REL: variants seen among roughly 807,000 people sequenced by gnomAD.
REL encodes the protein proto-oncogene c-Rel.
REL carries 15 observed loss-of-function variants against 45.9 expected under a neutral mutation model. The ratio of observed to expected loss-of-function variants is 0.33; its 90% CI spans 0.22 to 0.50. REL has a LOEUF of 0.50. REL is among the 20% of genes least tolerant of loss of function. The pLI is 0.98. For missense variants in REL, 601 were observed against 715.2 expected (o/e 0.84, Z 1.82); for synonymous variants, 239 against 242.1 (o/e 0.99, Z 0.12).
At chr2:60,909,598 T>G (rs566663524) in intron 4 of REL, among the ~76,000 whole-genome samples, 5 of 152,126 alleles carry the variant, frequency 3.3e-5, no homozygotes, top group Admixed American at 6.5e-5. Context: ...GACTGAGACA[T>G]AGTTCTTAAA....
Position 60,922,684 on chromosome 2 carries a change from CT to C in REL, c.*155del. 2 of 1,299,370 alleles carry C rather than the reference CT, an allele frequency of 1.5e-6. No homozygotes were observed. The highest frequency in any genetic ancestry group is 1.9e-6 in the Non-Finnish European group (2 of 1,026,778). 80.5% of individuals were successfully genotyped at this position (1,299,370 alleles called of 1,614,324 possible). A position where few individuals can be genotyped will look rare whatever the true frequency, so the allele number is the denominator to read the frequency against. The stretch of plus-strand genomic sequence containing the variant: ...ATACTGTATTTGAGAATATAAAAAA[CT>C]TTTTTCAGGGAAGAAGCATACAACT... On this transcript the variant is annotated 3_prime_UTR_variant, in exon 10 of 10. Transcript: ENST00000394479.
At chr2:60,912,320 A>G (rs1673842093) in intron 4 of REL, among the ~76,000 whole-genome samples, 1 of 152,176 alleles carries the variant, frequency 6.6e-6, no homozygotes. Context: ...TATAGCTCAG[A>G]TTTATTTCAA....
At chr2:60,901,647 A>AT (rs986710201) in intron 4 of REL, among the ~76,000 whole-genome samples, 3 of 152,206 alleles carry the variant, frequency 2.0e-5, no homozygotes, top group African/African-American at 4.8e-5. Flanking sequence ...ATAAAACTTC[A>AT]AAATGTTGTG....
At chr2:60,884,114 A>G (rs1396769808) in intron 1 of REL, among the ~76,000 whole-genome samples, 1 of 151,522 alleles carries the variant, frequency 6.6e-6, no homozygotes, top group African/African-American at 2.4e-5. Flanking sequence ...AAAAAAAAAA[A>G]AAGAAATTGC....
Position 60,918,464 on chromosome 2 carries a change from C to A in REL, c.711C>A (p.His237Gln). The A allele has an allele frequency of 6.2e-7, 1 of 1,613,808 alleles. No individual in the cohort carries two copies. Among genetic ancestry groups the A allele is most frequent in the Non-Finnish European group, 8.5e-7 (1 of 1,179,938 alleles). ...GCATCTTTTCACAAGCTGATGTACA[C>A]CGTCAAGTAGCCATTGTTTTCAAAA... is the stretch of plus-strand genomic sequence containing the variant. ...AKGIFSQADV[H>Q]RQVAIVFKTP... The change falls in exon 7 of 10, where the codon CAC becomes CAA. Residue 237 changes from histidine (H) to glutamine (Q), a missense_variant. Physicochemically the swap from His to Gln is conservative, Grantham distance 24 (BLOSUM62 0). This residue lies in a region of REL where 241 missense variants were observed against 347.0 expected (regional missense o/e 0.69). Coordinates refer to ENST00000394479, the MANE Select transcript of REL (RefSeq NM_001291746.2).
intron 1 of REL, among the ~76,000 whole-genome samples, chr2:60,887,901 G>C (rs1673108622): frequency 6.6e-6 from 1 of 150,758 alleles, no homozygotes; most frequent in Non-Finnish European, 1.5e-5. Flanking sequence ...ATGAAGTTTT[G>C]GGTTTTTTTG....
chr2:60,912,562 A>G (rs1673849126), intron 4 of REL, among the ~76,000 whole-genome samples: 2 of 152,200 alleles, frequency 1.3e-5, no homozygotes, highest in African/African-American at 4.8e-5. Context: ...TTAAAAATAT[A>G]AAAGATCTTC....
chr2:60,917,847 A>G (rs987436180), intron 5 of REL, among the ~76,000 whole-genome samples: 5 of 151,974 alleles, frequency 3.3e-5, no homozygotes, highest in Non-Finnish European at 5.9e-5. Flanking sequence ...CCATAGGGAG[A>G]TGTATTGCCA....
At chr2:60,916,683 C>A (rs1673969788) in intron 4 of REL, among the ~76,000 whole-genome samples, 194 bp from the exon 5 acceptor site, 1 of 152,146 alleles carries the variant, frequency 6.6e-6, no homozygotes. Context: ...TATAATTTAT[C>A]AAATACTGTT....
chr2:60,899,044 A>G (rs568955104), intron 3 of REL: 1 of 152,248 alleles, frequency 6.6e-6, no homozygotes, highest in Admixed American at 6.5e-5. Flanking sequence ...ATGAAACAAA[A>G]TGAAGTAATA....
At position 60,918,488 on chromosome 2, in the gene REL, A is replaced by G; in HGVS notation, c.735A>G (p.Lys245=). The change falls in exon 7 of 10, where the codon AAA becomes AAG. Residue 245 remains lysine, a synonymous_variant. Transcript: ENST00000394479. The part of the protein sequence containing the change: ...DVHRQVAIVF[K]TPPYCKAITE... Reference sequence around the variant, plus strand: ...ACCGTCAAGTAGCCATTGTTTTCAAAACTCCACCATATTGCAAAGCTATCA... The same window carrying G: ...ACCGTCAAGTAGCCATTGTTTTCAAGACTCCACCATATTGCAAAGCTATCA... The G allele has an allele frequency of 6.2e-7, 1 of 1,614,138 alleles. No homozygotes were observed. The highest frequency in any genetic ancestry group is 8.5e-7 in the Non-Finnish European group (1 of 1,180,002).
chr2:60,917,702 G>A (rs562616457), intron 5 of REL, among the ~76,000 whole-genome samples: 2 of 150,202 alleles, frequency 1.3e-5, no homozygotes, highest in South Asian at 4.2e-4. Context: ...GTGTGTGTGT[G>A]TGTGTGTGTG....
rs748923881 is a variant in REL at position 60,922,436 on chromosome 2, C to T, written c.1665C>T (p.Asn555=). ...ESGPSNSTNP[N]SHGFVQDSQY... is the part of the protein sequence containing the mutation. ...GACCATCAAACAGTACTAATCCAAA[C>T]AGTCATGGTTTTGTTCAAGATAGTC... Residue 555 remains asparagine, a synonymous_variant, in exon 10 of 10, where the codon AAC becomes AAT. Coordinates refer to ENST00000394479, the MANE Select transcript of REL (RefSeq NM_001291746.2). The T allele has an allele frequency of 1.2e-6, 2 of 1,613,958 alleles. No homozygotes were observed. Among genetic ancestry groups the T allele is most frequent in the Non-Finnish European group, 1.7e-6 (2 of 1,179,968 alleles).
chr2:60,920,346 A>G lies in REL; in HGVS notation c.923-228A>G, dbSNP rs34859816. On this transcript the variant is annotated intron_variant, in intron 8 of 9. Transcript: ENST00000394479. ...CTCCCGGGTAGCTGAGATTACAGGCATGTGCCACCACACCCGGCTAATTTT... is the reference window on the plus strand; with the variant it reads ...CTCCCGGGTAGCTGAGATTACAGGCGTGTGCCACCACACCCGGCTAATTTT... The G allele has an allele frequency of 2.3e-5, 14 of 615,684 alleles. 1 individual carries two copies. In the South Asian group the frequency reaches 2.6e-4, roughly 11 times the overall value. The allele number at this position is 615,684 out of a possible 1,614,324, so 38.1% of individuals were successfully genotyped here. A position where few individuals can be genotyped will look rare whatever the true frequency, so the allele number is the denominator to read the frequency against.
At chr2:60,910,333 C>T (rs543872818) in intron 4 of REL, among the ~76,000 whole-genome samples, 3 of 151,568 alleles carry the variant, frequency 2.0e-5, no homozygotes, top group South Asian at 4.2e-4. Context: ...GGCATGGTGG[C>T]GGGCGCCTGT....
chr2:60,881,893 C>G (rs1672947747), intron 1 of REL, 43 bp downstream of exon 1: 2 of 1,404,684 alleles, frequency 1.4e-6, no homozygotes, highest in Admixed American at 5.4e-5. Flanking sequence ...GGGAAAGGAG[C>G]TCTTCTGAAG....
intron 1 of REL, among the ~76,000 whole-genome samples, chr2:60,884,832 T>C (rs1673032298): frequency 6.6e-6 from 1 of 152,302 alleles, no homozygotes; most frequent in South Asian, 2.1e-4. Flanking sequence ...CTATTTGTAG[T>C]GTGAATTTCA....
rs146202638 is a variant in REL at position 60,897,460 on chromosome 2, A to T, written c.302+2915A>T. Reference sequence around the variant, plus strand: ...GTAGCTGGAATTACAGGCGTGCACTACCACACCCAGGTAATTTTTGTATTT... The same window carrying T: ...GTAGCTGGAATTACAGGCGTGCACTTCCACACCCAGGTAATTTTTGTATTT... On this transcript the variant is annotated intron_variant, in intron 3 of 9. Transcript: ENST00000394479. Among the ~76,000 whole-genome samples the T allele has an allele frequency of 5.9e-5, 9 of 152,076 alleles. No homozygotes were observed. The East Asian group carries it at 1.7e-3, about 29-fold the overall frequency.
At chr2:60,906,518 T>TAA (rs962882912) in intron 4 of REL, among the ~76,000 whole-genome samples, 23 of 152,322 alleles carry the variant, frequency 1.5e-4, no homozygotes, top group Middle Eastern at 3.4e-3. Flanking sequence ...ATATGGCCTT[T>TAA]AAAGCCCTTC....
Sources: allele counts gnomAD v4.1 joint callset (sites outside exome capture counted in the v4.1 genomes callset), GRCh38; gene constraint gnomAD v4.1.1; regional missense constraint gnomAD v4.1.1; transcripts MANE v1.5; gene names NCBI Gene and HGNC (gene_info 2026-07-23, HGNC 2026-07-21).